The following SLC6A11 variants were observed in gnomAD, a reference collection of about 807,000 sequenced individuals.
SLC6A11 encodes solute carrier family 6 member 11.
A neutral mutation model predicts 74.8 loss-of-function variants in SLC6A11; 25 were observed. That is an observed-to-expected ratio of 0.33 (90% CI 0.24 to 0.47). SLC6A11 has a LOEUF of 0.47. Among genes scored for constraint, SLC6A11 ranks in the 20% least tolerant of loss-of-function variants. The pLI is 1.00. For missense variants in SLC6A11, 574 were observed against 837.0 expected (o/e 0.69, Z 3.88); for synonymous variants, 330 against 330.2 (o/e 1.00, Z 0.01).
At chr3:10,896,546 A>T (rs1211652626) in intron 6 of SLC6A11, among the ~76,000 whole-genome samples, 1 of 152,232 alleles carries the variant, frequency 6.6e-6, no homozygotes, top group Non-Finnish European at 1.5e-5. Context: ...GTGAGATTTT[A>T]TACTTGCTCT....
chr3:10,829,231 C>T (rs1333370173), intron 4 of SLC6A11, among the ~76,000 whole-genome samples: 1 of 152,220 alleles, frequency 6.6e-6, no homozygotes, highest in East Asian at 1.9e-4. Context: ...CCTCTCCAGG[C>T]TGCTGTGAGG....
chr3:10,844,477 C>T lies in SLC6A11; in HGVS notation c.756+131C>T. 3 of 1,071,154 alleles carry T rather than the reference C, an allele frequency of 2.8e-6. No homozygotes were observed. The South Asian group carries it at 4.5e-5, about 16-fold the overall frequency. 66.4% of individuals were successfully genotyped at this position (1,071,154 alleles called of 1,614,324 possible). A position where few individuals can be genotyped will look rare whatever the true frequency, so the allele number is the denominator to read the frequency against. On this transcript the variant is annotated intron_variant, in intron 5 of 13. Transcript: ENST00000254488. ...GTTGGGAGCGGGGAGGAACACTGGA[C>T]CAGAGTGAGCTCTACCCACCCTCAC...
intron 4 of SLC6A11, among the ~76,000 whole-genome samples, chr3:10,839,183 C>A (rs1318826925): frequency 5.3e-5 from 8 of 152,258 alleles, no homozygotes; most frequent in Non-Finnish European, 8.8e-5. Flanking sequence ...GTGAACTAGC[C>A]CAGTTACACC....
Position 10,816,659 on chromosome 3 carries a change from C to T in SLC6A11, c.256+138C>T, listed in dbSNP as rs1024060710. ...GAGAACCTCGACTCCAGGCACCTCG[C>T]GTGTGAGCTCGCCCCGGAGCGCGGC... On this transcript the variant is annotated intron_variant, in intron 1 of 13. Coordinates refer to ENST00000254488, the MANE Select transcript of SLC6A11 (RefSeq NM_014229.3). The surrounding 1 kb of genome is among the most constrained non-coding windows in gnomAD (Gnocchi z 4.2). The T allele has an allele frequency of 4.4e-6, 4 of 906,044 alleles. No homozygotes were observed. The highest frequency in any genetic ancestry group is 1.8e-5 in the African/African-American group (1 of 56,298). The allele number at this position is 906,044 out of a possible 1,614,324, so 56.1% of individuals were successfully genotyped here.
rs116837259 is a variant in SLC6A11 at position 10,898,260 on chromosome 3, C to G, written c.892-13830C>G. 6.0e-3 allele frequency among the ~76,000 whole-genome samples: 920 copies of G among 152,294 alleles called. 9 individuals carry two copies. Among genetic ancestry groups the G allele is most frequent in the South Asian group, 0.017 (82 of 4,824 alleles). On this transcript the variant is annotated intron_variant, in intron 6 of 13. Coordinates refer to ENST00000254488, the MANE Select transcript of SLC6A11 (RefSeq NM_014229.3). ...TTGTTTTGGGGATTAACATTCGGCT[C>G]CTGGTTACTTATGCAAATTTCTGCA...
intron 7 of SLC6A11, among the ~76,000 whole-genome samples, chr3:10,917,766 G>A (rs758681453): frequency 4.6e-5 from 7 of 152,290 alleles, no homozygotes; most frequent in East Asian, 3.9e-4. Flanking sequence ...GGGGCTGCTC[G>A]CTCACAGCAG....
intron 5 of SLC6A11, among the ~76,000 whole-genome samples, chr3:10,847,092 C>T (rs1694514157): frequency 6.6e-6 from 1 of 152,128 alleles, no homozygotes; most frequent in Non-Finnish European, 1.5e-5. Flanking sequence ...TTTGAACAGC[C>T]CCATGAGATG....
intron 4 of SLC6A11, among the ~76,000 whole-genome samples, chr3:10,832,912 T>C (rs1694316257): frequency 6.6e-6 from 1 of 151,954 alleles, no homozygotes; most frequent in Admixed American, 6.6e-5. Flanking sequence ...AGGATTTGGG[T>C]TTCCAAGCTG....
chr3:10,880,034 G>A (rs918580580), intron 6 of SLC6A11, among the ~76,000 whole-genome samples: 1 of 152,210 alleles, frequency 6.6e-6, no homozygotes, highest in Non-Finnish European at 1.5e-5. Flanking sequence ...ATGTAGTGCA[G>A]GTGGAAGGTG....
chr3:10,818,237 G>T (rs1258233869), intron 1 of SLC6A11, among the ~76,000 whole-genome samples: 1 of 150,886 alleles, frequency 6.6e-6, no homozygotes, highest in Admixed American at 6.6e-5. Context: ...AGGTCAAAAG[G>T]CTTTCTGAAA....
At chr3:10,910,819 ATTTTTTT>A (rs67011478) in intron 6 of SLC6A11, among the ~76,000 whole-genome samples, 2 of 126,392 alleles carry the variant, frequency 1.6e-5, no homozygotes, top group Non-Finnish European at 3.2e-5. Context: ...GTTGCTGTGA[ATTTTTTT>A]TTTTTTTTTT....
chr3:10,827,668 A>G (rs775339252), intron 4 of SLC6A11, among the ~76,000 whole-genome samples: 1 of 152,212 alleles, frequency 6.6e-6, no homozygotes, highest in African/African-American at 2.4e-5. Flanking sequence ...CCTGGTACAC[A>G]TAAGAAAAGC....
intron 5 of SLC6A11, among the ~76,000 whole-genome samples, chr3:10,870,224 G>A (rs964921043): frequency 1.3e-5 from 2 of 152,184 alleles, no homozygotes; most frequent in Admixed American, 1.3e-4. Context: ...GACCCTCATT[G>A]TGTGGTGTCA....
intron 6 of SLC6A11, among the ~76,000 whole-genome samples, chr3:10,908,041 G>A (rs1272346057): frequency 6.6e-6 from 1 of 152,106 alleles, no homozygotes; most frequent in Non-Finnish European, 1.5e-5. Context: ...TGAGGCAGAA[G>A]GATCATGTGA....
At chr3:10,873,421 T>TATCCTATGGCATGCC (rs1559566668) in intron 5 of SLC6A11, among the ~76,000 whole-genome samples, 1 of 150,242 alleles carries the variant, frequency 6.7e-6, no homozygotes, top group Non-Finnish European at 1.5e-5. Flanking sequence ...TATCCTATCC[T>TATCCTATGGCATGCC]ATCCTATCCT....
At chr3:10,818,229 G>T (rs1169729754) in intron 1 of SLC6A11, among the ~76,000 whole-genome samples, 1 of 151,534 alleles carries the variant, frequency 6.6e-6, no homozygotes, top group Non-Finnish European at 1.5e-5. Flanking sequence ...GAATACACAG[G>T]TCAAAAGGCT....
chr3:10,861,297 C>A (rs1048752698), intron 5 of SLC6A11, among the ~76,000 whole-genome samples: 2 of 152,210 alleles, frequency 1.3e-5, no homozygotes, highest in African/African-American at 4.8e-5. Flanking sequence ...GGGAGGCTTG[C>A]TTGAGCCCAA....
At chr3:10,879,776 TAC>T (rs1694952722) in intron 6 of SLC6A11, among the ~76,000 whole-genome samples, 1 of 152,170 alleles carries the variant, frequency 6.6e-6, no homozygotes, top group South Asian at 2.1e-4. Flanking sequence ...TATACATACA[TAC>T]ATATATATAC....
At chr3:10,930,170 C>G (rs1472197633) in intron 10 of SLC6A11, among the ~76,000 whole-genome samples, 1 of 152,190 alleles carries the variant, frequency 6.6e-6, no homozygotes, top group African/African-American at 2.4e-5. Context: ...TGCATCTACT[C>G]ATCCCCCCAC....
Sources: gnomAD v4.1 joint callset for allele counts (sites outside exome capture counted in the v4.1 genomes callset) on GRCh38, gnomAD v4.1.1 for gene constraint, Gnocchi (gnomAD v3.1) non-coding constraint, MANE v1.5 for transcripts, NCBI Gene and HGNC (gene_info 2026-07-23, HGNC 2026-07-21) for gene names.